Variants in MED12L observed in about 807,000 individuals in gnomAD.
MED12L encodes mediator of RNA polymerase II transcription subunit 12-like protein.
MED12L carries 60 observed loss-of-function variants against 281.3 expected under a neutral mutation model. The ratio of observed to expected loss-of-function variants is 0.21; its 90% CI spans 0.17 to 0.26. The LOEUF (loss-of-function observed/expected upper bound fraction) is 0.26. Among genes scored for constraint, MED12L ranks in the 10% least tolerant of loss-of-function variants. The probability of loss-of-function intolerance (pLI) is 1.00; values close to 1 mark genes in which losing one functional copy is unlikely to be tolerated. For synonymous variants in MED12L, 974 were observed against 987.2 expected (o/e 0.99, Z 0.25); for missense variants, 2,146 against 2,680.9 (o/e 0.80, Z 4.41).
chr3:151,213,223 ATATCT>A, intron 16 of MED12L: 1 of 1,100,874 alleles, frequency 9.1e-7, no homozygotes, highest in South Asian at 1.5e-5. Flanking sequence ...ATGAGGGCAC[ATATCT>A]TATTGATTTC....
intron 36 of MED12L, among the ~76,000 whole-genome samples, chr3:151,387,084 G>C (rs1460542588): frequency 1.3e-5 from 2 of 152,168 alleles, no homozygotes; most frequent in African/African-American, 2.4e-5. Context: ...ACATCTTAGG[G>C]AATGACTGAG....
At chr3:151,162,403 AT>A (rs1044688506) in intron 8 of MED12L, among the ~76,000 whole-genome samples, 14 of 151,592 alleles carry the variant, frequency 9.2e-5, no homozygotes, top group Non-Finnish European at 1.9e-4. Context: ...TTTTATTTTT[AT>A]TTTTTTTAAA....
At chr3:151,266,173 T>A (rs1298710217) in intron 16 of MED12L, among the ~76,000 whole-genome samples, 1 of 152,246 alleles carries the variant, frequency 6.6e-6, no homozygotes, top group Non-Finnish European at 1.5e-5. Flanking sequence ...ATGATGCTGC[T>A]GCCTCTGTGC....
intron 16 of MED12L, among the ~76,000 whole-genome samples, chr3:151,196,494 C>T (rs76331305): frequency 6.6e-6 from 1 of 152,148 alleles, no homozygotes; most frequent in Admixed American, 6.5e-5. Context: ...TAAATGAAGA[C>T]CAAAGAGAAG....
chr3:151,167,870 A>G (rs1018820489), intron 11 of MED12L, among the ~76,000 whole-genome samples: 10 of 152,248 alleles, frequency 6.6e-5, no homozygotes, highest in African/African-American at 1.4e-4. Flanking sequence ...GAAGGAAAGT[A>G]GGGATACCCA....
intron 2 of MED12L, among the ~76,000 whole-genome samples, chr3:151,093,747 A>G (rs1198464418): frequency 6.6e-6 from 1 of 152,248 alleles, no homozygotes; most frequent in Non-Finnish European, 1.5e-5. Context: ...AAACTGGGGT[A>G]TAAGCGAGCA....
intron 2 of MED12L, among the ~76,000 whole-genome samples, chr3:151,111,331 C>G: frequency 6.6e-6 from 1 of 152,176 alleles, no homozygotes; most frequent in East Asian, 1.9e-4. Flanking sequence ...TACTGTGTGA[C>G]CTTGGTCAAG....
At chr3:151,301,891 C>T (rs905890819) in intron 16 of MED12L, among the ~76,000 whole-genome samples, 8 of 152,344 alleles carry the variant, frequency 5.3e-5, no homozygotes, top group Middle Eastern at 3.4e-3. Context: ...CCCAGTAGTT[C>T]CACCTCTAGG....
At chr3:151,391,787 A>G (rs1045627353) in intron 38 of MED12L, among the ~76,000 whole-genome samples, 1 of 152,074 alleles carries the variant, frequency 6.6e-6, no homozygotes. Context: ...CGTGGCAGAT[A>G]TTTTTCCTAT....
intron 16 of MED12L, among the ~76,000 whole-genome samples, chr3:151,259,035 G>A (rs921276987): frequency 2.6e-5 from 4 of 152,112 alleles, no homozygotes; most frequent in African/African-American, 4.8e-5. Flanking sequence ...TTTACTATTA[G>A]CAATAAATCA....
At chr3:151,215,376 T>G (rs751045020) in intron 16 of MED12L, among the ~76,000 whole-genome samples, 2 of 152,142 alleles carry the variant, frequency 1.3e-5, no homozygotes, top group African/African-American at 4.8e-5. Context: ...ATGTAAAATA[T>G]CTCAGTATTT....
At chr3:151,262,632 T>A (rs1475817798) in intron 16 of MED12L, among the ~76,000 whole-genome samples, 1 of 152,190 alleles carries the variant, frequency 6.6e-6, no homozygotes, top group African/African-American at 2.4e-5. Context: ...GTAAATACAT[T>A]AGAAAATACA....
At chr3:151,245,592 A>T (rs1309427455) in intron 16 of MED12L, among the ~76,000 whole-genome samples, 1 of 150,640 alleles carries the variant, frequency 6.6e-6, no homozygotes, top group South Asian at 2.1e-4. Flanking sequence ...AAAACTCTCA[A>T]TAAATTAGGT....
intron 2 of MED12L, among the ~76,000 whole-genome samples, chr3:151,108,262 G>A (rs1711496039): frequency 1.3e-5 from 2 of 151,578 alleles, no homozygotes; most frequent in Admixed American, 1.3e-4. Flanking sequence ...GTGGGTGGGA[G>A]GGGGGTTGTA....
intron 16 of MED12L, among the ~76,000 whole-genome samples, chr3:151,255,133 A>G (rs1737581738): frequency 6.6e-6 from 1 of 152,212 alleles, no homozygotes; most frequent in Non-Finnish European, 1.5e-5. Context: ...AGGCAGGCTG[A>G]AGATTGACTT....
At chr3:151,170,291 T>G (rs1436189891) in intron 11 of MED12L, among the ~76,000 whole-genome samples, 2 of 151,026 alleles carry the variant, frequency 1.3e-5, no homozygotes, top group Non-Finnish European at 3.0e-5. Context: ...TTTTTTTTTT[T>G]TTGAGATGGA....
Position 151,166,032 on chromosome 3 carries a change from T to G in MED12L, c.1494+50T>G, listed in dbSNP as rs568814951. ...TTCACCTTTTATTTTCATAGTGTTT[T>G]TTTCTTCTTTCTCATTCAGGAAACT... is the stretch of plus-strand genomic sequence containing the variant. On this transcript the variant is annotated intron_variant, in intron 11 of 44. Coordinates refer to ENST00000687756, the MANE Select transcript of MED12L (RefSeq NM_001393769.1). 7.9e-6 allele frequency: 12 copies of G among 1,521,370 alleles called. No homozygotes were observed. The South Asian group carries it at 1.3e-4, about 17-fold the overall frequency. The allele number at this position is 1,521,370 out of a possible 1,614,324, so 94.2% of individuals were successfully genotyped here.
At chr3:151,341,462 G>A (rs1751810729) in intron 16 of MED12L, among the ~76,000 whole-genome samples, 1 of 151,820 alleles carries the variant, frequency 6.6e-6, no homozygotes, top group Admixed American at 6.6e-5. Context: ...TTAAATTAAG[G>A]CATCCTTGTA....
chr3:151,379,453 AATTTAAAACAGAATTTTTAACCAAATG>A (rs777657372), intron 31 of MED12L, among the ~76,000 whole-genome samples: 1 of 152,230 alleles, frequency 6.6e-6, no homozygotes, highest in Non-Finnish European at 1.5e-5. Flanking sequence ...TTAAAATGCC[AATTTAAAACAGAATTTTTAACCAAATG>A]CCTTGACACC....
Sources: allele counts gnomAD v4.1 joint callset (sites outside exome capture counted in the v4.1 genomes callset), GRCh38; gene constraint gnomAD v4.1.1; transcripts MANE v1.5; gene names NCBI Gene and HGNC (gene_info 2026-07-23, HGNC 2026-07-21).